ERI3: variants seen among roughly 807,000 people sequenced by gnomAD.
ERI3 encodes the protein ERI1 exoribonuclease family member 3.
In ERI3, 18 loss-of-function variants were observed where a neutral mutation model predicts 44.4. The ratio of observed to expected loss-of-function variants is 0.41; its 90% CI spans 0.28 to 0.60. The LOEUF (loss-of-function observed/expected upper bound fraction) is 0.60. Ranked by LOEUF, ERI3 falls within the 20% of genes least tolerant of loss-of-function variation. ERI3 has a pLI of 0.36. For synonymous variants in ERI3, 183 were observed against 164.8 expected, an observed-to-expected ratio of 1.11 and a Z score of -0.84; for missense variants, 294 against 435.5, an observed-to-expected ratio of 0.68 and a Z score of 2.89.
rs567095668 is a variant in ERI3, at chr1:44,249,059, T to G, written c.832-1021A>C. 3.9e-5 allele frequency among the ~76,000 whole-genome samples: 6 copies of G among 152,304 alleles called. No homozygotes were observed. The East Asian group carries it at 1.2e-3, about 29-fold the overall frequency. ...AGACTTAACATAGGTTAGATCACTATGAAGTAGCCAAATAGGATTGAATTC... is the reference window on the plus strand; with the variant it reads ...AGACTTAACATAGGTTAGATCACTAGGAAGTAGCCAAATAGGATTGAATTC... On this transcript the variant is annotated intron_variant, in intron 7 of 8. Transcript: ENST00000372257.
chr1:44,343,999 G>A (rs1300388138), intron 2 of ERI3, among the ~76,000 whole-genome samples: 2 of 152,092 alleles, frequency 1.3e-5, no homozygotes, highest in East Asian at 3.9e-4. Context: ...AGCACTCTGG[G>A]AGGCCAAGGC....
At chr1:44,248,154 C>T (rs1557783546) in intron 7 of ERI3, 116 bp from the exon 8 acceptor site, 2 of 640,446 alleles carry the variant, frequency 3.1e-6, no homozygotes, top group East Asian at 6.2e-5. Context: ...TCTCATAATG[C>T]CATCTCGTGA....
chr1:44,322,428 G>A (rs1298344313), intron 3 of ERI3, among the ~76,000 whole-genome samples: 1 of 151,536 alleles, frequency 6.6e-6, no homozygotes, highest in African/African-American at 2.4e-5. Flanking sequence ...AATTCCCAGG[G>A]TGCCTACACC....
At position 44,248,561 on chromosome 1, in the gene ERI3, C is replaced by T. The variant is rs536108141; in HGVS notation, c.832-523G>A. On this transcript the variant is annotated intron_variant, in intron 7 of 8. Transcript: ENST00000372257. ...GGTGCCATGGTCAAGGTGCTTTTGA[C>T]CACAAGCAGGCCAGGCTATGAAAGG... 2.6e-5 allele frequency among the ~76,000 whole-genome samples: 4 copies of T among 152,218 alleles called. No homozygotes were observed. The East Asian group carries it at 7.7e-4, about 29-fold the overall frequency.
At chr1:44,257,078 C>G (rs1165996942) in intron 7 of ERI3, among the ~76,000 whole-genome samples, 1 of 152,118 alleles carries the variant, frequency 6.6e-6, no homozygotes, top group Non-Finnish European at 1.5e-5. Flanking sequence ...TTTAGCCAGC[C>G]CTTTCCTCCC....
intron 7 of ERI3, among the ~76,000 whole-genome samples, chr1:44,276,996 A>G (rs1257323719): frequency 1.3e-5 from 2 of 152,186 alleles, no homozygotes; most frequent in Non-Finnish European, 2.9e-5. Flanking sequence ...TAGAAATCCT[A>G]CTATACTTCT....
At chr1:44,286,792 C>A (rs956961850) in intron 6 of ERI3, among the ~76,000 whole-genome samples, 22 of 152,188 alleles carry the variant, frequency 1.4e-4, no homozygotes, top group Admixed American at 1.4e-3. Flanking sequence ...AACAATACTT[C>A]CATCTTTTCC....
At chr1:44,294,353 G>T (rs1007389951) in intron 6 of ERI3, among the ~76,000 whole-genome samples, 1 of 152,126 alleles carries the variant, frequency 6.6e-6, no homozygotes, top group African/African-American at 2.4e-5. Flanking sequence ...CCTGATCCAT[G>T]GCTCTTTATC....
Position 44,313,243 on chromosome 1 carries a change from A to C in ERI3, c.607-15T>G, listed in dbSNP as rs772617597. 5 of 1,613,774 alleles carry C rather than the reference A, an allele frequency of 3.1e-6. No homozygotes were observed. In the African/African-American group the frequency reaches 4.0e-5, roughly 13 times the overall value. ...ATCCCGGTGAGCTGAAAGGAAAGAG[A>C]AATAGCCGATGGGTAGAAAACCAGG... On this transcript the variant is annotated splice_polypyrimidine_tract_variant and intron_variant, in intron 4 of 8. Transcript: ENST00000372257.
At chr1:44,292,068 T>C (rs1306902366) in intron 6 of ERI3, among the ~76,000 whole-genome samples, 3 of 152,150 alleles carry the variant, frequency 2.0e-5, no homozygotes, top group Admixed American at 1.3e-4. Context: ...TAAGGCCTCA[T>C]AGAAGGGATT....
chr1:44,331,171 T>C (rs1646419919), intron 3 of ERI3, among the ~76,000 whole-genome samples: 1 of 152,132 alleles, frequency 6.6e-6, no homozygotes, highest in Non-Finnish European at 1.5e-5. Flanking sequence ...CAGACCTTCC[T>C]GCCTCTTCAT....
Position 44,341,868 on chromosome 1 carries a change from T to C in ERI3, c.212-2546A>G, listed in dbSNP as rs150080261. 6.3e-3 allele frequency among the ~76,000 whole-genome samples: 963 copies of C among 152,158 alleles called. 6 individuals carry two copies. Among genetic ancestry groups the C allele is most frequent in the African/African-American group, 0.022 (911 of 41,512 alleles). ...TGGAGCCACTGCACTCCAGTCTGGG[T>C]GACAGAGCAAGACCATAATTCAAAA... is the stretch of plus-strand genomic sequence containing the variant. On this transcript the variant is annotated intron_variant, in intron 2 of 8. Transcript: ENST00000372257.
intron 3 of ERI3, among the ~76,000 whole-genome samples, chr1:44,329,196 G>T (rs1646379058): frequency 6.6e-6 from 1 of 152,182 alleles, no homozygotes; most frequent in East Asian, 1.9e-4. Context: ...CAAGCCAGGA[G>T]CTTATCTGGT....
chr1:44,284,226 T>C (rs530896548), intron 7 of ERI3, among the ~76,000 whole-genome samples: 1 of 152,322 alleles, frequency 6.6e-6, no homozygotes, highest in South Asian at 2.1e-4. Context: ...CACATGGTCC[T>C]TGCCGGTCCA....
chr1:44,229,759 G>C (rs1481136068), intron 8 of ERI3, among the ~76,000 whole-genome samples: 1 of 24,940 alleles, frequency 4.0e-5, no homozygotes, highest in African/African-American at 1.9e-4. Flanking sequence ...GAGTTCTCAG[G>C]GGGTGCATAC....
chr1:44,301,787 G>A (rs939166927), intron 6 of ERI3, among the ~76,000 whole-genome samples: 4 of 152,172 alleles, frequency 2.6e-5, no homozygotes, highest in African/African-American at 9.7e-5. Context: ...TGGGGCCTTT[G>A]GCTATCCAAG....
chr1:44,231,710 C>T (rs1644188633), intron 8 of ERI3, among the ~76,000 whole-genome samples: 1 of 152,164 alleles, frequency 6.6e-6, no homozygotes, highest in African/African-American at 2.4e-5. Context: ...GAGCCCACTA[C>T]CCCTTCAAGT....
chr1:44,322,583 C>A, intron 3 of ERI3: 1 of 1,149,158 alleles, frequency 8.7e-7, no homozygotes, highest in South Asian at 2.0e-5. Context: ...GCCCTTCCTC[C>A]ACAACATGAG....
chr1:44,342,824 T>TATATATATATATATATATATAA (rs1557867451), intron 2 of ERI3, among the ~76,000 whole-genome samples: 8 of 14,788 alleles, frequency 5.4e-4, no homozygotes, highest in African/African-American at 2.0e-3. Flanking sequence ...TATATATATA[T>TATATATATATATATATATATAA]ATATATATAT....
Sources: gnomAD v4.1 joint callset for allele counts (sites outside exome capture counted in the v4.1 genomes callset) on GRCh38, gnomAD v4.1.1 for gene constraint, MANE v1.5 for transcripts, NCBI Gene and HGNC (gene_info 2026-07-23, HGNC 2026-07-21) for gene names.